SEMA6A: variants seen among roughly 807,000 people sequenced by gnomAD.
The protein encoded by SEMA6A is semaphorin-6A.
SEMA6A carries 25 observed loss-of-function variants against 96.8 expected under a neutral mutation model. That is an observed-to-expected ratio of 0.26 (90% CI 0.19 to 0.36). The LOEUF is 0.36. Ranked by LOEUF, SEMA6A falls within the 10% of genes least tolerant of loss-of-function variation. The pLI, the probability that SEMA6A is intolerant of heterozygous loss-of-function variation, is 1.00. For synonymous variants in SEMA6A, 612 were observed against 518.0 expected, an observed-to-expected ratio of 1.18 and a Z score of -2.46; for missense variants, 1,363 against 1,323.1, an observed-to-expected ratio of 1.03 and a Z score of -0.47.
chr5:116,497,755 C>T (rs1340601742), intron 3 of SEMA6A, among the ~76,000 whole-genome samples: 3 of 152,168 alleles, frequency 2.0e-5, no homozygotes, highest in African/African-American at 7.2e-5. Flanking sequence ...TCTTCAAATA[C>T]ACGTACCAAA....
intron 15 of SEMA6A, among the ~76,000 whole-genome samples, chr5:116,476,526 C>G (rs536764186): frequency 6.6e-6 from 1 of 152,162 alleles, no homozygotes; most frequent in Non-Finnish European, 1.5e-5. Context: ...GTAATGACAG[C>G]CAATATTCAT....
At position 116,571,586 on chromosome 5, in the gene SEMA6A, G is replaced by T. The variant is rs528141542; in HGVS notation, c.-39+2599C>A. On this transcript the variant is annotated intron_variant, in intron 1 of 18. Coordinates refer to ENST00000343348, the MANE Select transcript of SEMA6A (RefSeq NM_020796.5). ...CGTCCCAAAACCAAAATAATAACAGGGAGTAAGGGTTACTCAAGATTCAAA... is the reference window on the plus strand; with the variant it reads ...CGTCCCAAAACCAAAATAATAACAGTGAGTAAGGGTTACTCAAGATTCAAA... 5.6e-3 allele frequency among the ~76,000 whole-genome samples: 854 copies of T among 152,184 alleles called. 18 individuals are homozygous for T. Among genetic ancestry groups the T allele is most frequent in the East Asian group, 0.043 (221 of 5,182 alleles).
intron 3 of SEMA6A, among the ~76,000 whole-genome samples, chr5:116,501,669 C>T (rs181785799): frequency 3.7e-4 from 56 of 152,252 alleles, no homozygotes; most frequent in Non-Finnish European, 6.8e-4. Flanking sequence ...GGGTGAATCA[C>T]CTGAGGTCAG....
intron 15 of SEMA6A, among the ~76,000 whole-genome samples, chr5:116,477,079 A>G (rs1354721504): frequency 6.6e-6 from 1 of 152,196 alleles, no homozygotes; most frequent in East Asian, 1.9e-4. Flanking sequence ...GGCTGTGTTG[A>G]AGAAAGATCT....
At chr5:116,530,855 CA>C (rs1759438377) in intron 1 of SEMA6A, among the ~76,000 whole-genome samples, 1 of 152,118 alleles carries the variant, frequency 6.6e-6, no homozygotes, top group African/African-American at 2.4e-5. Flanking sequence ...TTTATTTTTG[CA>C]AAGTAATATT....
chr5:116,532,918 GAC>G (rs1215740611), intron 1 of SEMA6A, among the ~76,000 whole-genome samples: 2 of 152,172 alleles, frequency 1.3e-5, no homozygotes, highest in African/African-American at 4.8e-5. Context: ...CAGGGACACA[GAC>G]AGAGATGACA....
chr5:116,549,040 A>G lies in SEMA6A; in HGVS notation c.-39+25145T>C, dbSNP rs1337610300. Among the ~76,000 whole-genome samples, 4 of 152,348 alleles carry G rather than the reference A, an allele frequency of 2.6e-5. No homozygotes were observed. In the East Asian group the frequency reaches 5.8e-4, roughly 22 times the overall value. ...ACTTTTCAGGCTCTCTGATGAATCA[A>G]CGAAAAATACAAATAAAAATCACTG... On this transcript the variant is annotated intron_variant, in intron 1 of 18. Transcript: ENST00000343348.
intron 17 of SEMA6A, chr5:116,472,752 A>T: frequency 1.6e-6 from 1 of 638,564 alleles, no homozygotes; most frequent in Non-Finnish European, 2.5e-6. Flanking sequence ...GAAATTAATA[A>T]ATAATTTTAG....
At chr5:116,471,603 T>C (rs527881926) in intron 17 of SEMA6A, 34 of 152,302 alleles carry the variant, frequency 2.2e-4, no homozygotes, top group African/African-American at 8.2e-4. Context: ...TGGTGTTCAA[T>C]ATTCTGGTTT....
chr5:116,492,395 G>C (rs996760147), intron 6 of SEMA6A: 1 of 152,068 alleles, frequency 6.6e-6, no homozygotes, highest in African/African-American at 2.4e-5. Flanking sequence ...GAAAGGTCCA[G>C]AGGCAAAAGC....
chr5:116,502,281 G>C lies in SEMA6A; in HGVS notation c.147C>G (p.Asn49Lys). 6.2e-7 allele frequency: 1 copy of C among 1,613,962 alleles called. No homozygotes were observed. ...PVFVGHKPGRNTTQRHRLDIQ... is the reference protein window; with the variant it reads ...PVFVGHKPGRKTTQRHRLDIQ... ...TGTCCAGCCTGTGCCTCTGTGTGGT[G>C]TTCCGTCCTGGCTTGTGGCCCACAA... The change falls in exon 3 of 19, where the codon AAC (asparagine) becomes AAG (lysine). Residue 49 changes from asparagine to lysine, a missense_variant. This residue lies in a region of SEMA6A where 480 missense variants were observed against 559.5 expected (regional missense o/e 0.86). Coordinates refer to ENST00000343348, the MANE Select transcript of SEMA6A (RefSeq NM_020796.5).
At chr5:116,494,113 G>A (rs1168293378) in intron 6 of SEMA6A, among the ~76,000 whole-genome samples, 1 of 152,068 alleles carries the variant, frequency 6.6e-6, no homozygotes, top group Non-Finnish European at 1.5e-5. Flanking sequence ...TACCGGTTTG[G>A]TTTTATCTAT....
chr5:116,519,652 C>T (rs1009938598), intron 1 of SEMA6A, among the ~76,000 whole-genome samples: 1 of 146,638 alleles, frequency 6.8e-6, no homozygotes, highest in African/African-American at 2.6e-5. Flanking sequence ...GTGGCTATAA[C>T]GATGCTGTGT....
At chr5:116,501,017 A>G (rs1462574551) in intron 3 of SEMA6A, among the ~76,000 whole-genome samples, 2 of 152,172 alleles carry the variant, frequency 1.3e-5, no homozygotes, top group African/African-American at 4.8e-5. Flanking sequence ...GTCTCAAAAA[A>G]AAGCATAATC....
At chr5:116,561,207 T>C (rs1760806049) in intron 1 of SEMA6A, among the ~76,000 whole-genome samples, 7 of 152,214 alleles carry the variant, frequency 4.6e-5, no homozygotes, top group Admixed American at 3.3e-4. Context: ...AATAAGGCAA[T>C]GTTTATAAAC....
At chr5:116,486,000 A>T (rs17139905) in intron 10 of SEMA6A, among the ~76,000 whole-genome samples, 9,315 of 152,280 alleles carry the variant, frequency 0.061, 349 homozygotes, top group African/African-American at 0.099. Context: ...TCAAAGTCTT[A>T]GTTTTAAGTA....
chr5:116,491,237 C>G (rs1757309519), intron 7 of SEMA6A, among the ~76,000 whole-genome samples: 1 of 152,064 alleles, frequency 6.6e-6, no homozygotes, highest in Non-Finnish European at 1.5e-5. Context: ...ACATGTAGCC[C>G]TAATTGGGGC....
chr5:116,484,455 C>T (rs1756941069), intron 10 of SEMA6A, among the ~76,000 whole-genome samples: 1 of 152,040 alleles, frequency 6.6e-6, no homozygotes, highest in Non-Finnish European at 1.5e-5. Context: ...AAGTGCACCA[C>T]AAACAACATA....
intron 8 of SEMA6A, 123 bp from the exon 9 acceptor site, chr5:116,488,319 C>G: frequency 1.6e-6 from 1 of 627,020 alleles, no homozygotes; most frequent in Non-Finnish European, 2.8e-6. Context: ...TTGGTTAACA[C>G]TAACCATTTC....
Sources: allele counts gnomAD v4.1 joint callset (sites outside exome capture counted in the v4.1 genomes callset), GRCh38; gene constraint gnomAD v4.1.1; regional missense constraint gnomAD v4.1.1; transcripts MANE v1.5; gene names NCBI Gene and HGNC (gene_info 2026-07-23, HGNC 2026-07-21).